Variants in MGA observed in about 807,000 individuals in gnomAD.
The protein encoded by MGA is MAX dimerization protein MGA.
Under a neutral mutation model 261.1 loss-of-function variants are expected in MGA, and 40 were observed. That is an observed-to-expected ratio of 0.15 (90% CI 0.12 to 0.20). The LOEUF is 0.20. Among genes scored for constraint, MGA ranks in the 10% least tolerant of loss-of-function variants. The pLI, the probability that MGA is intolerant of heterozygous loss-of-function variation, is 1.00. For synonymous variants in MGA, 1,302 were observed against 1,290.6 expected (o/e 1.01, Z -0.19); for missense variants, 3,397 against 3,630.5 (o/e 0.94, Z 1.65).
Position 41,749,728 on chromosome 15 carries a change from G to A in MGA, c.6121G>A (p.Gly2041Ser). Reference sequence around the variant, plus strand: ...GGATGAAGAATGCCTTCCAGAAGAAGGTTGTGCAACTGTCAAACCATCTGA... The same window carrying A: ...GGATGAAGAATGCCTTCCAGAAGAAAGTTGTGCAACTGTCAAACCATCTGA... Residue 2041 changes from glycine (G) to serine (S), a missense_variant, in exon 17 of 24, where the codon GGT becomes AGT. Coordinates refer to ENST00000219905, the MANE Select transcript of MGA (RefSeq NM_001164273.2). The A allele has an allele frequency of 6.2e-7, 1 of 1,613,964 alleles. No individual in the cohort carries two copies. Among genetic ancestry groups the A allele is most frequent in the Non-Finnish European group, 8.5e-7 (1 of 1,179,876 alleles).
At chr15:41,731,894 C>A (rs566746055) in intron 11 of MGA, among the ~76,000 whole-genome samples, 3 of 152,166 alleles carry the variant, frequency 2.0e-5, no homozygotes, top group African/African-American at 4.8e-5. Flanking sequence ...GGCAATTATA[C>A]ATTCTCCCAT....
Position 41,682,655 on chromosome 15 carries a change from G to T in MGA, c.1064+12697G>T, listed in dbSNP as rs2058741759. Among the ~76,000 whole-genome samples, 8 of 151,480 alleles carry T rather than the reference G, an allele frequency of 5.3e-5. No individual in the cohort carries two copies. In the South Asian group the frequency reaches 1.7e-3, roughly 32 times the overall value. On this transcript the variant is annotated intron_variant, in intron 2 of 23. Transcript: ENST00000219905. ...GCTTCCACGCCCGGCTAATTTTTGT[G>T]GTTTTGGTAGAGATGGGGTTTCACC...
At chr15:41,741,589 C>G (rs1335252156) in intron 14 of MGA, among the ~76,000 whole-genome samples, 2 of 152,156 alleles carry the variant, frequency 1.3e-5, no homozygotes, top group African/African-American at 4.8e-5. Flanking sequence ...GAAACAAACC[C>G]TCTCATTTTC....
intron 1 of MGA, among the ~76,000 whole-genome samples, chr15:41,653,532 C>G (rs1345084280): frequency 6.6e-6 from 1 of 151,040 alleles, no homozygotes; most frequent in Non-Finnish European, 1.5e-5. Context: ...CTAGCAAGAC[C>G]CCATCTCTAC....
chr15:41,639,223 T>G (rs2056773275), intron 1 of MGA, among the ~76,000 whole-genome samples: 1 of 152,188 alleles, frequency 6.6e-6, no homozygotes, highest in Admixed American at 6.5e-5. Flanking sequence ...TTTCCTTGTC[T>G]TATGGTTTCT....
At chr15:41,714,648 T>C (rs1397209578) in intron 9 of MGA, among the ~76,000 whole-genome samples, 1 of 152,074 alleles carries the variant, frequency 6.6e-6, no homozygotes. Context: ...GGATTATAGG[T>C]GTCCAGCTAA....
upstream of MGA, among the ~76,000 whole-genome samples, chr15:41,656,377 T>TCTCTCTCTCTCTCTCTCACACA (rs1555403733): frequency 2.9e-5 from 2 of 68,268 alleles, no homozygotes; most frequent in Admixed American, 2.2e-4. Context: ...TCTCTCTCTC[T>TCTCTCTCTCTCTCTCTCACACA]CACACCCAGG....
intron 11 of MGA, 135 bp downstream of exon 11, chr15:41,729,484 C>T: frequency 1.2e-6 from 1 of 842,438 alleles, no homozygotes; most frequent in Non-Finnish European, 1.8e-6. Context: ...CAGTTTATTT[C>T]TCTGTGTACC....
chr15:41,692,078 G>A (rs1341852789), intron 2 of MGA, among the ~76,000 whole-genome samples: 1 of 151,962 alleles, frequency 6.6e-6, no homozygotes, highest in African/African-American at 2.4e-5. Context: ...ATTTTATGTT[G>A]TCCCAGAGAT....
chr15:41,748,567 T>C lies in MGA; in HGVS notation c.5213-70T>C, dbSNP rs1019558292. 9 of 1,483,542 alleles carry C rather than the reference T, an allele frequency of 6.1e-6. No homozygotes were observed. In the African/African-American group the frequency reaches 1.3e-4, roughly 21 times the overall value. 91.9% of individuals were successfully genotyped at this position (1,483,542 alleles called of 1,614,324 possible). A position where few individuals can be genotyped will look rare whatever the true frequency, so the allele number is the denominator to read the frequency against. ...CAAGACTGTGTCTTAAAAAATATTA[T>C]GAATACTTTTTTTTCCTACGTGTGT... is the stretch of plus-strand genomic sequence containing the variant. On this transcript the variant is annotated intron_variant, in intron 15 of 23. Coordinates refer to ENST00000219905, the MANE Select transcript of MGA (RefSeq NM_001164273.2).
At position 41,729,321 on chromosome 15, in the gene MGA, C is replaced by A. The variant is rs748809653; in HGVS notation, c.3815C>A (p.Ser1272Tyr). ...TTTCAGCAGCAAACTTCATGTCATT[C>A]TAGCCCTGAGAACCATAATAATGCA... The change falls in exon 11 of 24, where the codon TCT becomes TAT. Residue 1272 changes from serine (S) to tyrosine (Y), a missense_variant. Transcript: ENST00000219905. The A allele has an allele frequency of 1.9e-6, 3 of 1,613,714 alleles. No individual in the cohort carries two copies. The highest frequency in any genetic ancestry group is 2.5e-6 in the Non-Finnish European group (3 of 1,179,816).
intron 14 of MGA, among the ~76,000 whole-genome samples, chr15:41,741,346 C>CAAA (rs11389766): frequency 0.011 from 790 of 71,586 alleles, 25 homozygotes; most frequent in African/African-American, 0.025. Flanking sequence ...ACTCCATCTC[C>CAAA]AAAAAAAAAA....
chr15:41,651,485 C>T (rs1369104707), intron 1 of MGA, among the ~76,000 whole-genome samples: 2 of 152,000 alleles, frequency 1.3e-5, no homozygotes, highest in Admixed American at 1.3e-4. Flanking sequence ...TGAAAAGTCT[C>T]CTCTTCTTCG....
intron 17 of MGA, among the ~76,000 whole-genome samples, chr15:41,753,760 A>G (rs919981128): frequency 3.3e-5 from 5 of 152,028 alleles, no homozygotes; most frequent in African/African-American, 9.7e-5. Flanking sequence ...TCTCCTTTCT[A>G]TATTTCTTTC....
chr15:41,694,122 T>G (rs754316288), intron 2 of MGA, among the ~76,000 whole-genome samples: 2 of 152,078 alleles, frequency 1.3e-5, no homozygotes, highest in Non-Finnish European at 2.9e-5. Context: ...ACCTAACTTT[T>G]TAAAAAGTGA....
intron 1 of MGA, among the ~76,000 whole-genome samples, chr15:41,653,656 C>G (rs1186140029): frequency 1.3e-5 from 2 of 149,418 alleles, no homozygotes; most frequent in African/African-American, 5.0e-5. Flanking sequence ...TGCAGTGAGC[C>G]GTGATCATAC....
At chr15:41,634,976 CTT>C (rs755312486) in intron 1 of MGA, among the ~76,000 whole-genome samples, 4 of 152,060 alleles carry the variant, frequency 2.6e-5, no homozygotes, top group South Asian at 2.1e-4. Context: ...AGTAAGAACA[CTT>C]AGGAGATTAT....
At chr15:41,621,659 C>G (rs1020818147) in intron 1 of MGA, 4 of 141,906 alleles carry the variant, frequency 2.8e-5, no homozygotes, top group African/African-American at 1.1e-4. Flanking sequence ...GTTCTTGGCG[C>G]GAAGTGTTAA....
intron 1 of MGA, among the ~76,000 whole-genome samples, chr15:41,634,016 C>T (rs2056648971): frequency 2.0e-5 from 3 of 151,946 alleles, no homozygotes; most frequent in African/African-American, 7.3e-5. Context: ...TTCTGGTTTC[C>T]TCTGTCTGGA....
Sources: allele counts gnomAD v4.1 joint callset (sites outside exome capture counted in the v4.1 genomes callset), GRCh38; gene constraint gnomAD v4.1.1; transcripts MANE v1.5; gene names NCBI Gene and HGNC (gene_info 2026-07-23, HGNC 2026-07-21).